DLEC1: variants seen among roughly 807,000 people sequenced by gnomAD.
DLEC1 encodes the protein deleted in lung and esophageal cancer protein 1.
In DLEC1, 146 loss-of-function variants were observed where a neutral mutation model predicts 198.1. That is an observed-to-expected ratio of 0.74 (90% CI 0.64 to 0.85). The LOEUF (loss-of-function observed/expected upper bound fraction) is 0.85. Ranked by LOEUF, DLEC1 falls within the 40% of genes least tolerant of loss-of-function variation. DLEC1 has a pLI of 0.00. For missense variants in DLEC1, 2,233 were observed against 2,220.0 expected (o/e 1.01, Z -0.12); for synonymous variants, 897 against 866.8 (o/e 1.03, Z -0.61).
At chr3:38,082,131 G>A (rs1460031732) in intron 6 of DLEC1, among the ~76,000 whole-genome samples, 1 of 149,402 alleles carries the variant, frequency 6.7e-6, no homozygotes, top group Non-Finnish European at 1.5e-5. Context: ...TCTCGGCCAG[G>A]CAGAGGCGCT....
At chr3:38,080,236 C>G (rs1413740726) in intron 6 of DLEC1, among the ~76,000 whole-genome samples, 1 of 151,888 alleles carries the variant, frequency 6.6e-6, no homozygotes, top group Non-Finnish European at 1.5e-5. Flanking sequence ...GTAAGCCGGA[C>G]CAGGTGTGAG....
chr3:38,044,675 T>C (rs1363122291), intron 1 of DLEC1, among the ~76,000 whole-genome samples: 1 of 152,248 alleles, frequency 6.6e-6, no homozygotes, highest in Non-Finnish European at 1.5e-5. Flanking sequence ...GCCAAGTAGC[T>C]GGGACTACAG....
chr3:38,109,201 T>G (rs1699728695), intron 21 of DLEC1, among the ~76,000 whole-genome samples: 2 of 152,286 alleles, frequency 1.3e-5, no homozygotes, highest in South Asian at 4.1e-4. Flanking sequence ...TCCCTTCACG[T>G]GGGCATGCCC....
intron 12 of DLEC1, among the ~76,000 whole-genome samples, chr3:38,094,496 C>T (rs985096964): frequency 3.4e-4 from 51 of 152,166 alleles, no homozygotes; most frequent in African/African-American, 1.2e-3. Context: ...ATGTGGCAAA[C>T]CTTGGAAACT....
chr3:38,122,200 G>A lies in DLEC1; in HGVS notation c.5144+6G>A. On this transcript the variant is annotated splice_donor_region_variant and intron_variant, in intron 36 of 36. Transcript: ENST00000308059. ...CAGGTTTTCTTCACTGCCAGGTGCAGCCCCTTCCAACCTTCCCCAAACTGC... is the reference window on the plus strand; with the variant it reads ...CAGGTTTTCTTCACTGCCAGGTGCAACCCCTTCCAACCTTCCCCAAACTGC... The A allele has an allele frequency of 6.2e-7, 1 of 1,613,454 alleles. No homozygotes were observed. The highest frequency in any genetic ancestry group is 1.1e-5 in the South Asian group (1 of 90,984).
chr3:38,114,959 T>C lies in DLEC1; in HGVS notation c.3786-24T>C, dbSNP rs760127677. 5 of 1,610,136 alleles carry C rather than the reference T, an allele frequency of 3.1e-6. No homozygotes were observed. In the East Asian group the frequency reaches 1.1e-4, roughly 36 times the overall value. On this transcript the variant is annotated intron_variant, in intron 26 of 36. Coordinates refer to ENST00000308059, the MANE Select transcript of DLEC1 (RefSeq NM_007335.4). ...AGGTGTACGCTGGCTGTGGCTGTAC[T>C]GAGTCCAGTCTGTCCCCCTCCAGGT...
chr3:38,088,273 T>C, intron 9 of DLEC1, 23 bp from the exon 10 acceptor site: 1 of 1,605,094 alleles, frequency 6.2e-7, no homozygotes, highest in Non-Finnish European at 8.5e-7. Context: ...TCCACACTGT[T>C]GGGTAATCTG....
chr3:38,056,902 T>G (rs910033725), intron 2 of DLEC1, among the ~76,000 whole-genome samples: 33 of 152,206 alleles, frequency 2.2e-4, no homozygotes, highest in Admixed American at 2.1e-3. Context: ...ATGCTCATTC[T>G]TAGTGATCAG....
rs1489023903 is a variant in DLEC1, at chr3:38,122,562, G to T, written c.*150G>T. On this transcript the variant is annotated 3_prime_UTR_variant, in exon 37 of 37. Transcript: ENST00000308059. The stretch of plus-strand genomic sequence containing the variant: ...AATGGAAGAACCCCCTTCCACAATG[G>T]TCTCAGCCTAGGCCCTCATGATATG... The T allele has an allele frequency of 3.7e-6, 6 of 1,604,704 alleles. No homozygotes were observed. In the Admixed American group the frequency reaches 8.4e-5, roughly 22 times the overall value.
chr3:38,098,042 C>T (rs192188124), intron 18 of DLEC1, 140 bp downstream of exon 18: 11 of 1,067,950 alleles, frequency 1.0e-5, no homozygotes, highest in East Asian at 2.6e-5. Context: ...TTCGGCCTGG[C>T]GGTGCCTCCT....
Position 38,100,167 on chromosome 3 carries a change from G to A in DLEC1, c.2725-119G>A, listed in dbSNP as rs71323652. On this transcript the variant is annotated intron_variant, in intron 18 of 36. Transcript: ENST00000308059. The stretch of plus-strand genomic sequence containing the variant: ...GCTTGCCTGTTTCTGGATCCCAGAT[G>A]GCTCTTGGAAGAGCTGGGGCAGCTT... 1,553 of 1,284,484 alleles carry A rather than the reference G, an allele frequency of 1.2e-3. 1 individual carries two copies. The highest frequency in any genetic ancestry group is 1.5e-3 in the Non-Finnish European group (1,446 of 960,848). The allele number at this position is 1,284,484 out of a possible 1,614,324, so 79.6% of individuals were successfully genotyped here. A position where few individuals can be genotyped will look rare whatever the true frequency, so the allele number is the denominator to read the frequency against.
intron 18 of DLEC1, among the ~76,000 whole-genome samples, chr3:38,098,383 G>A (rs6790536): frequency 0.23 from 34,667 of 152,072 alleles, 5,695 homozygotes; most frequent in African/African-American, 0.46. Flanking sequence ...CGACTCAAAT[G>A]GCACTTTTCA....
chr3:38,081,899 C>T, intron 6 of DLEC1, among the ~76,000 whole-genome samples: 5 of 148,824 alleles, frequency 3.4e-5, no homozygotes, highest in African/African-American at 1.2e-4. Flanking sequence ...GGGCTGACCC[C>T]CCCCCACCTC....
Position 38,114,974 on chromosome 3 carries a change from C to G in DLEC1, c.3786-9C>G, listed in dbSNP as rs1203918207. ...GTGGCTGTACTGAGTCCAGTCTGTC[C>G]CCCTCCAGGTTCGGCACCCAGGTCT... On this transcript the variant is annotated splice_polypyrimidine_tract_variant and intron_variant, in intron 26 of 36. Transcript: ENST00000308059. The G allele has an allele frequency of 6.2e-7, 1 of 1,612,598 alleles. No individual in the cohort carries two copies. Among genetic ancestry groups the G allele is most frequent in the Non-Finnish European group, 8.5e-7 (1 of 1,179,246 alleles).
chr3:38,045,278 T>C (rs1700831529), intron 1 of DLEC1, among the ~76,000 whole-genome samples: 1 of 152,226 alleles, frequency 6.6e-6, no homozygotes, highest in South Asian at 2.1e-4. Flanking sequence ...TTTCACTGTT[T>C]GGATGGCAGC....
At chr3:38,106,127 G>A (rs1478175313) in intron 19 of DLEC1, among the ~76,000 whole-genome samples, 1 of 152,006 alleles carries the variant, frequency 6.6e-6, no homozygotes, top group African/African-American at 2.4e-5. Context: ...TACATTATAG[G>A]TTTATCAAGA....
chr3:38,072,802 C>T lies in DLEC1; in HGVS notation c.1173+8883C>T, dbSNP rs976331762. Among the ~76,000 whole-genome samples, 7 of 152,052 alleles carry T rather than the reference C, an allele frequency of 4.6e-5. No homozygotes were observed. In the South Asian group the frequency reaches 8.3e-4, roughly 18 times the overall value. The stretch of plus-strand genomic sequence containing the variant: ...CGTGTGTTTTTATGAAGAATTATGC[C>T]GAGGTAGGTAATGGATGGAGAAGAC... On this transcript the variant is annotated intron_variant, in intron 6 of 36. Coordinates refer to ENST00000308059, the MANE Select transcript of DLEC1 (RefSeq NM_007335.4).
In DLEC1 at chr3:38,097,910, A is replaced by G. The variant is rs1699116004; in HGVS notation, c.2724+8A>G. 2.5e-6 allele frequency: 4 copies of G among 1,614,058 alleles called. No individual in the cohort carries two copies. The African/African-American group carries it at 4.0e-5, about 16-fold the overall frequency. On this transcript the variant is annotated splice_region_variant and intron_variant, in intron 18 of 36. Transcript: ENST00000308059. The stretch of plus-strand genomic sequence containing the variant: ...CAGGAAAGGCCTGAGGATGTAAGTC[A>G]GGCACTGCTGGTTCCTCTGGTGCCC...
chr3:38,062,210 G>A lies in DLEC1; in HGVS notation c.715G>A (p.Glu239Lys), dbSNP rs369375450. The A allele has an allele frequency of 2.7e-5, 43 of 1,614,220 alleles. No homozygotes were observed. The East Asian group carries it at 5.3e-4, about 20-fold the overall frequency. ...PGCSKLTFSC[E>K]KRSVQKKELN... Reference sequence around the variant, plus strand: ...ATGTTCAAAACTGACATTTAGCTGTGAGAAGCGTTCCGTCCAGAAGAAAGA... The same window carrying A: ...ATGTTCAAAACTGACATTTAGCTGTAAGAAGCGTTCCGTCCAGAAGAAAGA... The change falls in exon 4 of 37, where the codon GAG becomes AAG. Residue 239 changes from glutamate (E) to lysine (K), a missense_variant. By Grantham distance (56) the Glu-to-Lys change is moderately conservative. Coordinates refer to ENST00000308059, the MANE Select transcript of DLEC1 (RefSeq NM_007335.4).
Sources: gnomAD v4.1 joint callset for allele counts (sites outside exome capture counted in the v4.1 genomes callset) on GRCh38, gnomAD v4.1.1 for gene constraint, MANE v1.5 for transcripts, NCBI Gene and HGNC (gene_info 2026-07-23, HGNC 2026-07-21) for gene names.